The following CHRNB4 variants were observed in gnomAD, a reference collection of about 807,000 sequenced individuals.
CHRNB4 encodes cholinergic receptor nicotinic beta 4 subunit.
Under a neutral mutation model 40.4 loss-of-function variants are expected in CHRNB4, and 23 were observed. The ratio of observed to expected loss-of-function variants is 0.57; its 90% CI spans 0.41 to 0.81. The LOEUF (loss-of-function observed/expected upper bound fraction) is 0.81. Ranked by LOEUF, CHRNB4 falls within the 30% of genes least tolerant of loss-of-function variation. The pLI is 0.00. For synonymous variants in CHRNB4, 285 were observed against 274.4 expected (o/e 1.04, Z -0.38); for missense variants, 568 against 670.6 (o/e 0.85, Z 1.69).
intron 7 of CHRNB4, among the ~76,000 whole-genome samples, chr15:78,647,473 A>T (rs963579577): frequency 6.6e-6 from 1 of 151,938 alleles, no homozygotes; most frequent in Non-Finnish European, 1.5e-5. Context: ...CATGGATAGG[A>T]GTGAGGGGAA....
At chr15:78,661,590 GGC>G, upstream of CHRNB4, 1 of 515,862 alleles carries the variant, frequency 1.9e-6, no homozygotes, top group Middle Eastern at 6.4e-4. Flanking sequence ...TCCTTGTTGG[GGC>G]GGATGTCAAC....
intron 2 of CHRNB4, 61 bp downstream of exon 2, chr15:78,635,378 G>T: frequency 6.3e-7 from 1 of 1,586,382 alleles, no homozygotes; most frequent in Non-Finnish European, 8.6e-7. Context: ...TGATCGCCTG[G>T]GGCTTGGGCA....
At chr15:78,628,586 C>T (rs1308335695) in intron 5 of CHRNB4, among the ~76,000 whole-genome samples, 1 of 152,130 alleles carries the variant, frequency 6.6e-6, no homozygotes, top group African/African-American at 2.4e-5. Flanking sequence ...CTTGTTCCCA[C>T]GGGTCTGCAA....
intron 1 of CHRNB4, among the ~76,000 whole-genome samples, chr15:78,639,011 T>C (rs2054015018): frequency 6.6e-6 from 1 of 152,212 alleles, no homozygotes; most frequent in African/African-American, 2.4e-5. Flanking sequence ...GGAAGAATTG[T>C]TCCCTGCCAG....
intron 5 of CHRNB4, chr15:78,627,808 A>G (rs1016889502): frequency 5.3e-5 from 8 of 152,194 alleles, no homozygotes; most frequent in African/African-American, 1.7e-4. Flanking sequence ...GTCATGTGAA[A>G]TACCCAGACT....
At chr15:78,633,947 G>T (rs572516185) in intron 2 of CHRNB4, among the ~76,000 whole-genome samples, 9 of 151,838 alleles carry the variant, frequency 5.9e-5, no homozygotes, top group Non-Finnish European at 1.3e-4. Context: ...GGGGATGCTG[G>T]CGAGGGAGTG....
chr15:78,642,215 A>T (rs577426980), upstream of CHRNB4, among the ~76,000 whole-genome samples: 50 of 152,336 alleles, frequency 3.3e-4, no homozygotes, highest in Non-Finnish European at 5.1e-4. Flanking sequence ...AAAAGCAACA[A>T]CAACAACACT....
At chr15:78,634,870 C>T in intron 2 of CHRNB4, 1 of 434,388 alleles carries the variant, frequency 2.3e-6, no homozygotes, top group Non-Finnish European at 4.6e-6. Flanking sequence ...TGCCCCACAT[C>T]CACATATGGA....
chr15:78,640,457 G>A (rs72743165), intron 1 of CHRNB4, among the ~76,000 whole-genome samples: 105 of 152,294 alleles, frequency 6.9e-4, no homozygotes, highest in Non-Finnish European at 1.2e-3. Context: ...CAGAGGCAGC[G>A]GTGCCATAAA....
At chr15:78,659,888 C>T (rs567859528) in intron 1 of CHRNB4, among the ~76,000 whole-genome samples, 1 of 152,244 alleles carries the variant, frequency 6.6e-6, no homozygotes, top group East Asian at 1.9e-4. Flanking sequence ...AGCAGGGAAC[C>T]AGTGAGGAGG....
chr15:78,625,187 G>T lies in CHRNB4; in HGVS notation c.1443C>A (p.Pro481=), dbSNP rs571462279. Reference sequence around the variant, plus strand: ...CAGAAGCTGCATGGGTCTGGAAGAGGGGCGGTAGGAAGAGCCCCACAGTGC... The same window carrying T: ...CAGAAGCTGCATGGGTCTGGAAGAGTGGCGGTAGGAAGAGCCCCACAGTGC... ...VLGTVGLFLP[P]LFQTHAASEG... Residue 481 remains proline, a synonymous_variant, in exon 6 of 6, where the codon CCC becomes CCA. Transcript: ENST00000261751. 5.5e-5 allele frequency: 89 copies of T among 1,611,508 alleles called. No homozygotes were observed. The highest frequency in any genetic ancestry group is 7.5e-5 in the Non-Finnish European group (89 of 1,178,956).
chr15:78,642,457 T>G (rs2054088635), upstream of CHRNB4, among the ~76,000 whole-genome samples: 1 of 152,220 alleles, frequency 6.6e-6, no homozygotes, highest in African/African-American at 2.4e-5. Flanking sequence ...CCAAAGACAG[T>G]GGCAGGTCCT....
In CHRNB4 at chr15:78,624,807, G is replaced by A; in HGVS notation, c.*326C>T. 1 of 607,260 alleles carries A rather than the reference G, an allele frequency of 1.6e-6. No homozygotes were observed. Among genetic ancestry groups the A allele is most frequent in the Non-Finnish European group, 2.7e-6 (1 of 366,670 alleles). The allele number at this position is 607,260 out of a possible 1,614,324, so 37.6% of individuals were successfully genotyped here. On this transcript the variant is annotated 3_prime_UTR_variant, in exon 6 of 6. Coordinates refer to ENST00000261751, the MANE Select transcript of CHRNB4 (RefSeq NM_000750.5). ...AGTGGAGAGAGATGGTGATGGAGAG[G>A]CAGGCCGGCACCATGCCTGAAGCAT...
rs757783207 is a variant in CHRNB4 at position 78,629,699 on chromosome 15, G to A, written c.606C>T (p.Asp202=). The change falls in exon 5 of 6, where the codon GAC becomes GAT. Residue 202 remains aspartate, a synonymous_variant. Coordinates refer to ENST00000261751, the MANE Select transcript of CHRNB4 (RefSeq NM_000750.5). The surrounding 1 kb of genome is among the most constrained non-coding windows in gnomAD (Gnocchi z 6.8). ...TCCTTCTCCCTGGGAGGGCCACTAT[G>A]TCCCACTCACCACTGGGAGTAAAGT... ...MDDFTPSGEW[D]IVALPGRRTV... The A allele has an allele frequency of 1.9e-6, 3 of 1,614,048 alleles. No individual in the cohort carries two copies. The highest frequency in any genetic ancestry group is 2.5e-6 in the Non-Finnish European group (3 of 1,180,038).
chr15:78,635,501 T>A lies in CHRNB4; in HGVS notation c.142A>T (p.Thr48Ser). The change falls in exon 2 of 6, where the codon ACC becomes TCC. Residue 48 changes from threonine (T) to serine (S), a missense_variant. Thr to Ser is a moderately conservative substitution (Grantham distance 58, BLOSUM62 1). Around this residue, in one of 4 missense-constraint regions of CHRNB4, gnomAD observed 161 missense variants for 148.1 expected, o/e 1.09. Transcript: ENST00000261751. ...ATGGAGATGAGCTGTGAGGAGCTGG[T>A]GGCTGGGCGGATCAGGTTATTGTAA... is the stretch of plus-strand genomic sequence containing the variant. ...TRYNNLIRPATSSSQLISIKL... is the reference protein window; with the variant it reads ...TRYNNLIRPASSSSQLISIKL... 1 of 1,614,172 alleles carries A rather than the reference T, an allele frequency of 6.2e-7. No homozygotes were observed.
intron 5 of CHRNB4, chr15:78,652,698 C>G (rs8023822): frequency 0.75 from 113,825 of 152,168 alleles, 43,163 homozygotes; most frequent in African/African-American, 0.82. Context: ...AGGTAGTGAG[C>G]TCAACAGACA....
At chr15:78,635,975 T>C (rs2053940950) in intron 1 of CHRNB4, among the ~76,000 whole-genome samples, 1 of 151,802 alleles carries the variant, frequency 6.6e-6, no homozygotes, top group Admixed American at 6.6e-5. Flanking sequence ...TGGTGTGATC[T>C]CGGCTCACTG....
In CHRNB4 at chr15:78,636,577, C is replaced by T. The variant is rs147799644; in HGVS notation, c.56-990G>A. Among the ~76,000 whole-genome samples, 536 of 152,162 alleles carry T rather than the reference C, an allele frequency of 3.5e-3. 1 individual carries two copies. Among genetic ancestry groups the T allele is most frequent in the African/African-American group, 0.012 (494 of 41,526 alleles). On this transcript the variant is annotated intron_variant, in intron 1 of 5. Transcript: ENST00000261751. ...CCATAGCCTACTGTTTGCCTTTCCCCCTGTGACCTTCACTGTCTCACTTCC... is the reference window on the plus strand; with the variant it reads ...CCATAGCCTACTGTTTGCCTTTCCCTCTGTGACCTTCACTGTCTCACTTCC...
At chr15:78,652,317 T>C (rs895557900) in intron 6 of CHRNB4, among the ~76,000 whole-genome samples, 4 of 151,976 alleles carry the variant, frequency 2.6e-5, no homozygotes, top group Non-Finnish European at 5.9e-5. Flanking sequence ...CACTGGCTGC[T>C]TTATAGATCA....
Sources: allele counts gnomAD v4.1 joint callset (sites outside exome capture counted in the v4.1 genomes callset), GRCh38; gene constraint gnomAD v4.1.1; regional missense constraint gnomAD v4.1.1; non-coding constraint Gnocchi (gnomAD v3.1); transcripts MANE v1.5; gene names NCBI Gene and HGNC (gene_info 2026-07-23, HGNC 2026-07-21).